The following SSPN variants were observed in gnomAD, a reference collection of about 807,000 sequenced individuals.
SSPN encodes the protein K-ras oncogene-associated protein.
In SSPN, 15 loss-of-function variants were observed where a neutral mutation model predicts 19.1. The observed-to-expected ratio is 0.78, with a 90% CI of 0.52 to 1.21. The LOEUF is 1.21. Ranked by LOEUF, SSPN falls within the 50% of genes most tolerant of loss-of-function variation. The probability of loss-of-function intolerance (pLI) is 0.00; values close to 1 mark genes in which losing one functional copy is unlikely to be tolerated. For synonymous variants in SSPN, 147 were observed against 140.3 expected (o/e 1.05, Z -0.34); for missense variants, 291 against 314.0 (o/e 0.93, Z 0.55).
In SSPN at chr12:26,217,483, A is replaced by G. The variant is rs1199856473; in HGVS notation, c.280-6810A>G. Among the ~76,000 whole-genome samples the G allele has an allele frequency of 5.5e-5, 3 of 54,326 alleles. No homozygotes were observed. The East Asian group carries it at 1.2e-3, about 21-fold the overall frequency. The allele number at this position is 54,326 out of a possible 152,430, so 35.6% of individuals were successfully genotyped here. A position where few individuals can be genotyped will look rare whatever the true frequency, so the allele number is the denominator to read the frequency against. ...GCTTAAGGAGATTTTGGGCTGAGAC[A>G]ATGGGGTTTTCTAGATATACAATCA... On this transcript the variant is annotated intron_variant, in intron 1 of 2. Transcript: ENST00000242729.
intron 1 of SSPN, among the ~76,000 whole-genome samples, chr12:26,184,849 G>A (rs1944742366): frequency 6.6e-6 from 1 of 152,072 alleles, no homozygotes; most frequent in Admixed American, 6.5e-5. Context: ...ATGCTCATGA[G>A]AAGACAACAA....
intron 1 of SSPN, among the ~76,000 whole-genome samples, chr12:26,172,644 G>T (rs1018840881): frequency 2.0e-5 from 3 of 152,068 alleles, no homozygotes; most frequent in African/African-American, 7.2e-5. Context: ...TTGGCTCTAC[G>T]CCAAGATTAA....
chr12:26,156,717 A>G (rs531272706), intron 1 of SSPN, among the ~76,000 whole-genome samples: 3 of 152,364 alleles, frequency 2.0e-5, no homozygotes, highest in Admixed American at 1.3e-4. Flanking sequence ...AGAAGGGACA[A>G]ATATAGAGAG....
At chr12:26,186,262 G>A (rs1339676423) in intron 1 of SSPN, among the ~76,000 whole-genome samples, 1 of 151,484 alleles carries the variant, frequency 6.6e-6, no homozygotes, top group South Asian at 2.1e-4. Flanking sequence ...CTGCATCCCT[G>A]GCTAAAAACT....
rs79388843 is a variant in SSPN, at chr12:26,203,847, G to T, written c.279+7896G>T. Among the ~76,000 whole-genome samples, 4 of 151,992 alleles carry T rather than the reference G, an allele frequency of 2.6e-5. No individual in the cohort carries two copies. The South Asian group carries it at 8.3e-4, about 31-fold the overall frequency. ...GGGTTCTCTTCCTGGCTTGCAGGCG[G>T]CTGCCTTCTTGCTGTGTGCTCACAT... On this transcript the variant is annotated intron_variant, in intron 1 of 2. Transcript: ENST00000242729.
chr12:26,147,433 G>A (rs1034204515), intron 1 of SSPN, among the ~76,000 whole-genome samples: 2 of 152,020 alleles, frequency 1.3e-5, no homozygotes, highest in African/African-American at 2.4e-5. Flanking sequence ...CATCATGCCC[G>A]GCTAATTTTT....
Position 26,234,022 on chromosome 12 carries a change from G to T in SSPN, c.*2946G>T, listed in dbSNP as rs1565698228. On this transcript the variant is annotated 3_prime_UTR_variant, in exon 3 of 3. Coordinates refer to ENST00000242729, the MANE Select transcript of SSPN (RefSeq NM_005086.5). Reference sequence around the variant, plus strand: ...CTGTAGTCAAGTAACAGGCCTCACTGTTTTTTTTCTTTGGATTAAAAGTGT... The same window carrying T: ...CTGTAGTCAAGTAACAGGCCTCACTTTTTTTTTTCTTTGGATTAAAAGTGT... The T allele has an allele frequency of 6.6e-6, 1 of 151,952 alleles. No homozygotes were observed. The highest frequency in any genetic ancestry group is 1.5e-5 in the Non-Finnish European group (1 of 67,978). The allele number at this position is 151,952 out of a possible 1,614,324, so 9.4% of individuals were successfully genotyped here. A position where few individuals can be genotyped will look rare whatever the true frequency, so the allele number is the denominator to read the frequency against.
At chr12:26,122,192 A>G in intron 1 of SSPN, 1 of 1,447,322 alleles carries the variant, frequency 6.9e-7, no homozygotes, top group East Asian at 2.8e-5. Context: ...GCGGCGCCCC[A>G]AGGGGCGCCA....
rs754045412 is a variant in SSPN at position 26,230,819 on chromosome 12, C to T, written c.475C>T (p.Leu159Phe). The stretch of plus-strand genomic sequence containing the variant: ...CACACAGTTTACCTGTGAGACCACA[C>T]TCGACTCTTGCCAGTGCAAACTGCC... ...QLTQFTCETT[L>F]DSCQCKLPSS... Residue 159 changes from leucine (L) to phenylalanine (F), a missense_variant, in exon 3 of 3, where the codon CTC becomes TTC. Leu to Phe is a conservative substitution (Grantham distance 22, BLOSUM62 0). Transcript: ENST00000242729. 1.2e-6 allele frequency: 2 copies of T among 1,614,234 alleles called. No homozygotes were observed. Among genetic ancestry groups the T allele is most frequent in the South Asian group, 2.2e-5 (2 of 91,086 alleles).
In SSPN at chr12:26,224,508, A is replaced by T. The variant is rs1200559922; in HGVS notation, c.366+129A>T. ...AAATTGCATTTTTAGGCAGGCCAAAAAATGTTTTAAGAGGGCATTGATCCA... is the reference window on the plus strand; with the variant it reads ...AAATTGCATTTTTAGGCAGGCCAAATAATGTTTTAAGAGGGCATTGATCCA... On this transcript the variant is annotated intron_variant, in intron 2 of 2. Transcript: ENST00000242729. 3 of 765,914 alleles carry T rather than the reference A, an allele frequency of 3.9e-6. No individual in the cohort carries two copies. The East Asian group carries it at 7.6e-5, about 19-fold the overall frequency. 47.4% of individuals were successfully genotyped at this position (765,914 alleles called of 1,614,324 possible).
rs140063083 is a variant in SSPN at position 26,122,399 on chromosome 12, C to G, written c.-31+247C>G. The G allele has an allele frequency of 0.031, 40,393 of 1,283,514 alleles. 772 individuals are homozygous for G. Among genetic ancestry groups the G allele is most frequent in the Non-Finnish European group, 0.036 (36,310 of 1,006,766 alleles). The allele number at this position is 1,283,514 out of a possible 1,614,324, so 79.5% of individuals were successfully genotyped here. On this transcript the variant is annotated intron_variant, in intron 1 of 2. Transcript: ENST00000538142. Reference sequence around the variant, plus strand: ...CCGCCGCCGGGTACAGATACTTCTCCAGGCCGCTCTTGTCCAGGAAGGGCT... The same window carrying G: ...CCGCCGCCGGGTACAGATACTTCTCGAGGCCGCTCTTGTCCAGGAAGGGCT...
In SSPN at chr12:26,231,007, C is replaced by G; in HGVS notation, c.663C>G (p.Tyr221Ter). Residue 221 changes from tyrosine to a stop codon, truncating the protein, a stop_gained, in exon 3 of 3, where the codon TAC (tyrosine) becomes TAG (stop). Coordinates refer to ENST00000242729, the MANE Select transcript of SSPN (RefSeq NM_005086.5). LOFTEE classifies it high-confidence loss of function. ...LACFVMWKHR[Y>*]QVFYVGVRIC... ...GCTTTGTGATGTGGAAACATAGGTA[C>G]CAGGTCTTCTATGTGGGTGTCAGGA... 1 of 1,614,136 alleles carries G rather than the reference C, an allele frequency of 6.2e-7. No individual in the cohort carries two copies. The highest frequency in any genetic ancestry group is 8.5e-7 in the Non-Finnish European group (1 of 1,180,034).
chr12:26,201,862 A>C (rs1944888671), intron 1 of SSPN, among the ~76,000 whole-genome samples: 1 of 152,182 alleles, frequency 6.6e-6, no homozygotes, highest in African/African-American at 2.4e-5. Flanking sequence ...ATAATTAATA[A>C]ATGTTGAACT....
At chr12:26,123,085 G>T in intron 1 of SSPN, 2 of 1,603,684 alleles carry the variant, frequency 1.2e-6, no homozygotes, top group Non-Finnish European at 8.5e-7. Context: ...GAGAGGTATT[G>T]CAAGACTTCT....
At chr12:26,170,088 ACCT>A (rs1298506010) in intron 1 of SSPN, among the ~76,000 whole-genome samples, 1 of 152,090 alleles carries the variant, frequency 6.6e-6, no homozygotes, top group African/African-American at 2.4e-5. Flanking sequence ...GACAGGACTA[ACCT>A]CCTCTGTAGA....
intron 1 of SSPN, among the ~76,000 whole-genome samples, chr12:26,159,928 G>A (rs1944577415): frequency 6.6e-6 from 1 of 152,208 alleles, no homozygotes; most frequent in Non-Finnish European, 1.5e-5. Context: ...TCCCTTGTTA[G>A]AGAAGGGATC....
intron 1 of SSPN, chr12:26,124,684 T>C: frequency 1.2e-6 from 2 of 1,613,724 alleles, no homozygotes; most frequent in Non-Finnish European, 1.7e-6. Flanking sequence ...AACCAAAGCC[T>C]AGACAGATAT....
intron 1 of SSPN, among the ~76,000 whole-genome samples, chr12:26,217,929 A>C (rs1945073430): frequency 6.6e-6 from 1 of 152,124 alleles, no homozygotes. Context: ...GGGATCTAGA[A>C]CTGGAAATAC....
intron 1 of SSPN, among the ~76,000 whole-genome samples, chr12:26,200,708 A>G (rs1176850563): frequency 6.6e-6 from 1 of 152,120 alleles, no homozygotes; most frequent in Non-Finnish European, 1.5e-5. Flanking sequence ...GAAAATTTTA[A>G]TCTGGAATTA....
Sources: allele counts gnomAD v4.1 joint callset (sites outside exome capture counted in the v4.1 genomes callset), GRCh38; gene constraint gnomAD v4.1.1; transcripts MANE v1.5; gene names NCBI Gene and HGNC (gene_info 2026-07-23, HGNC 2026-07-21).